Variants in SLC35A3 observed in about 807,000 individuals in gnomAD.
SLC35A3 encodes UDP-N-acetylglucosamine transporter.
In SLC35A3, 26 loss-of-function variants were observed where a neutral mutation model predicts 39.0. That is an observed-to-expected ratio of 0.67 (90% CI 0.49 to 0.92). The LOEUF (loss-of-function observed/expected upper bound fraction) is 0.92. Ranked by LOEUF, SLC35A3 falls within the 40% of genes least tolerant of loss-of-function variation. The pLI is 0.00. For synonymous variants in SLC35A3, 135 were observed against 133.1 expected, an observed-to-expected ratio of 1.01 and a Z score of -0.10; for missense variants, 299 against 371.6, an observed-to-expected ratio of 0.80 and a Z score of 1.61.
rs923816200 is a variant in SLC35A3, at chr1:100,024,896, T to C, written c.*2420T>C. 2.8e-6 allele frequency: 1 copy of C among 360,872 alleles called. No individual in the cohort carries two copies. Among genetic ancestry groups the C allele is most frequent in the Non-Finnish European group, 4.9e-6 (1 of 202,882 alleles). The allele number at this position is 360,872 out of a possible 1,614,324, so 22.4% of individuals were successfully genotyped here. ...AAACAGAATTGGCTCAAAAATACTA[T>C]GTTACAGACTGTTGGGTACCCTTGC... On this transcript the variant is annotated 3_prime_UTR_variant, in exon 8 of 8. Coordinates refer to ENST00000533028, the MANE Select transcript of SLC35A3 (RefSeq NM_012243.3).
At chr1:99,988,504 T>C (rs1344322890) in intron 1 of SLC35A3, among the ~76,000 whole-genome samples, 1 of 152,206 alleles carries the variant, frequency 6.6e-6, no homozygotes, top group Non-Finnish European at 1.5e-5. Flanking sequence ...GTACAAATAT[T>C]GTTGTGAACA....
intron 1 of SLC35A3, among the ~76,000 whole-genome samples, chr1:99,989,670 AT>A (rs1657961434): frequency 6.6e-6 from 1 of 152,282 alleles, no homozygotes; most frequent in East Asian, 1.9e-4. Flanking sequence ...TTCTGGATAT[AT>A]TGTCAGATAC....
chr1:99,976,755 T>C (rs554714284), intron 1 of SLC35A3, among the ~76,000 whole-genome samples: 1 of 152,254 alleles, frequency 6.6e-6, no homozygotes, highest in African/African-American at 2.4e-5. Context: ...GAGCTAAACA[T>C]TGAGTACATA....
chr1:99,988,537 A>G (rs1657881679), intron 1 of SLC35A3, among the ~76,000 whole-genome samples: 1 of 152,118 alleles, frequency 6.6e-6, no homozygotes, highest in African/African-American at 2.4e-5. Context: ...TTTCTTGGGT[A>G]TATCTAAGAG....
intron 2 of SLC35A3, among the ~76,000 whole-genome samples, chr1:99,994,724 A>G (rs772525314): frequency 9.9e-5 from 15 of 152,148 alleles, no homozygotes; most frequent in African/African-American, 1.7e-4. Context: ...CCTTTTGGCT[A>G]TTGTGAATAA....
intron 4 of SLC35A3, among the ~76,000 whole-genome samples, chr1:100,010,082 G>C (rs1183948641): frequency 6.6e-6 from 1 of 152,058 alleles, no homozygotes; most frequent in African/African-American, 2.4e-5. Context: ...CAGTTCCTTG[G>C]TCGCACTACC....
intron 1 of SLC35A3, among the ~76,000 whole-genome samples, chr1:99,985,704 G>T (rs891854723): frequency 1.3e-5 from 2 of 152,164 alleles, no homozygotes; most frequent in African/African-American, 2.4e-5. Flanking sequence ...GTGAGTGTGG[G>T]ATGTATTTCT....
At chr1:100,013,414 A>C (rs890810175) in intron 5 of SLC35A3, among the ~76,000 whole-genome samples, 4 of 146,154 alleles carry the variant, frequency 2.7e-5, no homozygotes, top group Non-Finnish European at 4.5e-5. Context: ...GGAATTGGAG[A>C]CCAGTCTGAG....
intron 3 of SLC35A3, 40 bp downstream of exon 3, chr1:99,999,455 T>C (rs1209577809): frequency 8.0e-6 from 11 of 1,368,380 alleles, no homozygotes; most frequent in Non-Finnish European, 1.1e-5. Flanking sequence ...AAAAAACTTT[T>C]TTCTTATACA....
rs949564650 is a variant in SLC35A3 at position 100,028,844 on chromosome 1, A to T, written c.*6368A>T. 1 of 152,258 alleles carries T rather than the reference A, an allele frequency of 6.6e-6. No homozygotes were observed. The highest frequency in any genetic ancestry group is 2.4e-5 in the African/African-American group (1 of 41,466). The allele number at this position is 152,258 out of a possible 1,614,324, so 9.4% of individuals were successfully genotyped here. On this transcript the variant is annotated 3_prime_UTR_variant, in exon 8 of 8. Coordinates refer to ENST00000533028, the MANE Select transcript of SLC35A3 (RefSeq NM_012243.3). ...TCTGGCTAGAAAGAGAAAACTTACT[A>T]AAAGCTATTATACTCACAGTCATAT... is the stretch of plus-strand genomic sequence containing the variant.
Position 99,989,139 on chromosome 1 carries a change from T to C in SLC35A3, c.-18-4398T>C, listed in dbSNP as rs141543046. ...CTCTAAATCCCCTTTAACACTTAGT[T>C]GTATCAGTTTTTAAAATTTAGCCAG... On this transcript the variant is annotated intron_variant, in intron 1 of 7. Transcript: ENST00000533028. Among the ~76,000 whole-genome samples, 32 of 152,336 alleles carry C rather than the reference T, an allele frequency of 2.1e-4. No homozygotes were observed. The East Asian group carries it at 5.4e-3, about 26-fold the overall frequency.
chr1:99,989,573 C>T (rs186893460), intron 1 of SLC35A3, among the ~76,000 whole-genome samples: 10 of 152,220 alleles, frequency 6.6e-5, no homozygotes, highest in East Asian at 1.9e-4. Context: ...CATGAGCCAC[C>T]GTGCCTGGCT....
rs955426081 is a variant in SLC35A3 at position 100,031,969 on chromosome 1, C to T, written c.*9493C>T. On this transcript the variant is annotated 3_prime_UTR_variant, in exon 8 of 8. Transcript: ENST00000533028. ...CTCCTATTATGTGGTTTGATTTGTT[C>T]CCTTTATTCCTTTCATGTCCTTTGA... 2.6e-5 allele frequency: 4 copies of T among 152,066 alleles called. No homozygotes were observed. The highest frequency in any genetic ancestry group is 4.4e-5 in the Non-Finnish European group (3 of 67,998). The allele number at this position is 152,066 out of a possible 1,614,324, so 9.4% of individuals were successfully genotyped here.
At chr1:99,980,039 G>C (rs1264151409) in intron 1 of SLC35A3, among the ~76,000 whole-genome samples, 3 of 149,496 alleles carry the variant, frequency 2.0e-5, no homozygotes, top group Admixed American at 6.6e-5. Context: ...GCAAGACTCT[G>C]TCTCTCTCTC....
chr1:100,011,759 G>T (rs944480024), intron 5 of SLC35A3, among the ~76,000 whole-genome samples: 1 of 147,348 alleles, frequency 6.8e-6, no homozygotes, highest in African/African-American at 2.5e-5. Context: ...TCGCTCTCTC[G>T]CCCAGGCTGG....
intron 1 of SLC35A3, among the ~76,000 whole-genome samples, chr1:99,984,848 T>A (rs890487932): frequency 2.0e-5 from 3 of 152,234 alleles, no homozygotes; most frequent in African/African-American, 7.2e-5. Context: ...ATATTGGGCA[T>A]TTTTTCATAT....
Position 100,015,442 on chromosome 1 carries a change from A to T in SLC35A3, c.753+22A>T, listed in dbSNP as rs368335048. On this transcript the variant is annotated intron_variant, in intron 6 of 7. Transcript: ENST00000533028. Reference sequence around the variant, plus strand: ...TCAGGTAAAGCATTTAAAGTCTTAGATTTAATGCTAATAAACTGTATTTTA... The same window carrying T: ...TCAGGTAAAGCATTTAAAGTCTTAGTTTTAATGCTAATAAACTGTATTTTA... 1.2e-4 allele frequency: 197 copies of T among 1,587,470 alleles called. No individual in the cohort carries two copies. In the African/African-American group the frequency reaches 2.5e-3, roughly 20 times the overall value.
chr1:99,990,944 G>A (rs1183994873), intron 1 of SLC35A3, among the ~76,000 whole-genome samples: 2 of 152,152 alleles, frequency 1.3e-5, no homozygotes, highest in Non-Finnish European at 2.9e-5. Flanking sequence ...CAGAAGAAGG[G>A]CCTCACTAGA....
In SLC35A3 at chr1:100,034,053, A is replaced by G. The variant is rs574574754; in HGVS notation, c.*11577A>G. Reference sequence around the variant, plus strand: ...CCTTGACAAACATTTCCTTTTCTTGAGTTTGTCTGAATTTGTGCTTCACTG... The same window carrying G: ...CCTTGACAAACATTTCCTTTTCTTGGGTTTGTCTGAATTTGTGCTTCACTG... On this transcript the variant is annotated 3_prime_UTR_variant, in exon 8 of 8. Coordinates refer to ENST00000533028, the MANE Select transcript of SLC35A3 (RefSeq NM_012243.3). The G allele has an allele frequency of 1.3e-5, 2 of 152,018 alleles. No homozygotes were observed. The highest frequency in any genetic ancestry group is 2.9e-5 in the Non-Finnish European group (2 of 68,006). The allele number at this position is 152,018 out of a possible 1,614,324, so 9.4% of individuals were successfully genotyped here. A position where few individuals can be genotyped will look rare whatever the true frequency, so the allele number is the denominator to read the frequency against.
Sources: gnomAD v4.1 joint callset for allele counts (sites outside exome capture counted in the v4.1 genomes callset) on GRCh38, gnomAD v4.1.1 for gene constraint, MANE v1.5 for transcripts, NCBI Gene and HGNC (gene_info 2026-07-23, HGNC 2026-07-21) for gene names.